Variants in PITPNC1 observed in about 807,000 individuals in gnomAD.
The protein encoded by PITPNC1 is phosphatidylinositol transfer protein cytoplasmic 1.
PITPNC1 carries 18 observed loss-of-function variants against 44.7 expected under a neutral mutation model. The observed-to-expected ratio is 0.40, with a 90% CI of 0.28 to 0.60. The LOEUF is 0.60. Among genes scored for constraint, PITPNC1 ranks in the 20% least tolerant of loss-of-function variants. The probability of loss-of-function intolerance (pLI) is 0.39; values close to 1 mark genes in which losing one functional copy is unlikely to be tolerated. For missense variants in PITPNC1, 290 were observed against 418.4 expected, an observed-to-expected ratio of 0.69 and a Z score of 2.68; for synonymous variants, 141 against 149.6, an observed-to-expected ratio of 0.94 and a Z score of 0.42.
intron 1 of PITPNC1, among the ~76,000 whole-genome samples, chr17:67,397,142 G>A (rs1054506540): frequency 2.0e-5 from 3 of 151,872 alleles, no homozygotes; most frequent in Non-Finnish European, 2.9e-5. Flanking sequence ...CACCACGCCC[G>A]GCTAATTTTT....
At position 67,508,951 on chromosome 17, in the gene PITPNC1, A is replaced by G. The variant is rs13380807; in HGVS notation, c.49-23851A>G. 0.031 allele frequency among the ~76,000 whole-genome samples: 4,748 copies of G among 152,296 alleles called. 138 individuals carry two copies. Among genetic ancestry groups the G allele is most frequent in the African/African-American group, 0.078 (3,258 of 41,556 alleles). On this transcript the variant is annotated intron_variant, in intron 1 of 8. Coordinates refer to ENST00000581322, the MANE Select transcript of PITPNC1 (RefSeq NM_012417.4). The surrounding 1 kb of genome is among the most constrained non-coding windows in gnomAD (Gnocchi z 4.2). ...TTTACCATAATTTAAAAATAAAAAC[A>G]GGCCGGGCTTGGTGGCTCACGTCTG...
At chr17:67,481,517 T>C (rs529633502) in intron 1 of PITPNC1, among the ~76,000 whole-genome samples, 2 of 152,332 alleles carry the variant, frequency 1.3e-5, no homozygotes, top group South Asian at 4.1e-4. Flanking sequence ...TTTCAAATTT[T>C]TTTTAGATAT....
At chr17:67,565,121 A>C (rs963936251) in intron 4 of PITPNC1, among the ~76,000 whole-genome samples, 10 of 151,552 alleles carry the variant, frequency 6.6e-5, no homozygotes, top group African/African-American at 2.4e-4. Flanking sequence ...TGTGTATACT[A>C]GTTTTTCCAT....
At chr17:67,669,905 C>T (rs937114378) in intron 7 of PITPNC1, among the ~76,000 whole-genome samples, 2 of 151,912 alleles carry the variant, frequency 1.3e-5, no homozygotes, top group African/African-American at 4.8e-5. Context: ...AACCCTGTCT[C>T]TACTAAAAAT....
At chr17:67,671,711 G>A (rs985195104) in intron 7 of PITPNC1, among the ~76,000 whole-genome samples, 3 of 152,096 alleles carry the variant, frequency 2.0e-5, no homozygotes, top group Non-Finnish European at 2.9e-5. Flanking sequence ...AGAATGAAAT[G>A]TGATACGTAG....
At chr17:67,517,438 T>C (rs1039224389) in intron 1 of PITPNC1, among the ~76,000 whole-genome samples, 2 of 152,174 alleles carry the variant, frequency 1.3e-5, no homozygotes, top group Non-Finnish European at 2.9e-5. Flanking sequence ...AATGAAAACA[T>C]ACGTCCTCAA....
chr17:67,433,628 T>C (rs1291336533), intron 1 of PITPNC1, among the ~76,000 whole-genome samples: 2 of 152,254 alleles, frequency 1.3e-5, no homozygotes, highest in East Asian at 3.9e-4. Flanking sequence ...GAAGGATCGC[T>C]TGAGCATAGG....
intron 1 of PITPNC1, among the ~76,000 whole-genome samples, chr17:67,448,626 A>G (rs965054231): frequency 6.6e-6 from 1 of 152,168 alleles, no homozygotes; most frequent in African/African-American, 2.4e-5. Flanking sequence ...CCACTGGACC[A>G]TTCTCTTCTG....
intron 4 of PITPNC1, among the ~76,000 whole-genome samples, chr17:67,575,874 C>CCTTTTTTTTTTTTTTTT (rs777390217): frequency 5.4e-5 from 1 of 18,534 alleles, no homozygotes; most frequent in African/African-American, 1.5e-4. Context: ...TTCTTTCTTT[C>CCTTTTTTTTTTTTTTTT]TTTCCTTTTT....
At chr17:67,691,495 C>G (rs1474097780) in intron 8 of PITPNC1, among the ~76,000 whole-genome samples, 1 of 152,130 alleles carries the variant, frequency 6.6e-6, no homozygotes. Context: ...CTTTCATTCT[C>G]TATTCTTTTT....
intron 8 of PITPNC1, among the ~76,000 whole-genome samples, chr17:67,688,973 C>T (rs1040255576): frequency 6.6e-6 from 1 of 152,214 alleles, no homozygotes; most frequent in Non-Finnish European, 1.5e-5. Flanking sequence ...GATGCCAAGG[C>T]GGGCGTATCA....
At chr17:67,475,346 G>A (rs2039611186) in intron 1 of PITPNC1, among the ~76,000 whole-genome samples, 1 of 152,130 alleles carries the variant, frequency 6.6e-6, no homozygotes, top group Admixed American at 6.6e-5. Flanking sequence ...CCAACGTGAC[G>A]CCTACCGAGC....
At chr17:67,449,133 T>C (rs2039141501) in intron 1 of PITPNC1, among the ~76,000 whole-genome samples, 1 of 152,228 alleles carries the variant, frequency 6.6e-6, no homozygotes, top group South Asian at 2.1e-4. Flanking sequence ...TTTATTTTCT[T>C]ATTCTTTTTC....
At position 67,377,798 on chromosome 17, in the gene PITPNC1, C is replaced by T. The variant is rs775443737; in HGVS notation, c.-357C>T. 4 of 267,308 alleles carry T rather than the reference C, an allele frequency of 1.5e-5. No homozygotes were observed. Among genetic ancestry groups the T allele is most frequent in the Non-Finnish European group, 2.1e-5 (3 of 142,304 alleles). The allele number at this position is 267,308 out of a possible 1,614,324, so 16.6% of individuals were successfully genotyped here. A position where few individuals can be genotyped will look rare whatever the true frequency, so the allele number is the denominator to read the frequency against. On this transcript the variant is annotated 5_prime_UTR_variant, in exon 1 of 9. Coordinates refer to ENST00000581322, the MANE Select transcript of PITPNC1 (RefSeq NM_012417.4). ...TGGAAATCTCTCTTTTTTCCTCCCT[C>T]GCTCGCTGCCGGGCATGTCCTGATC...
At chr17:67,600,274 C>T (rs1029607681) in intron 5 of PITPNC1, among the ~76,000 whole-genome samples, 3 of 151,882 alleles carry the variant, frequency 2.0e-5, no homozygotes, top group Admixed American at 6.6e-5. Context: ...GCAACAGTGA[C>T]AATAACAACA....
rs927644889 is a variant in PITPNC1 at position 67,447,022 on chromosome 17, G to A, written c.48+68820G>A. Reference sequence around the variant, plus strand: ...GGAGAATCGCTTGAACCCAGGAGGTGGAGGTTGCAGTAAGCCAAGATTGTG... The same window carrying A: ...GGAGAATCGCTTGAACCCAGGAGGTAGAGGTTGCAGTAAGCCAAGATTGTG... On this transcript the variant is annotated intron_variant, in intron 1 of 8. Coordinates refer to ENST00000581322, the MANE Select transcript of PITPNC1 (RefSeq NM_012417.4). 4.1e-5 allele frequency among the ~76,000 whole-genome samples: 6 copies of A among 146,244 alleles called. No homozygotes were observed. In the Admixed American group the frequency reaches 4.3e-4, roughly 10 times the overall value.
intron 2 of PITPNC1, among the ~76,000 whole-genome samples, chr17:67,543,238 G>A (rs2144147544): frequency 6.6e-6 from 1 of 152,270 alleles, no homozygotes; most frequent in South Asian, 2.1e-4. Context: ...TACCTCTGCT[G>A]CCTGCAGCCA....
intron 1 of PITPNC1, among the ~76,000 whole-genome samples, chr17:67,444,792 G>C (rs914194430): frequency 6.6e-6 from 1 of 152,016 alleles, no homozygotes; most frequent in African/African-American, 2.4e-5. Context: ...AGCTACTCGG[G>C]AGGCTGAGGC....
At chr17:67,473,460 C>T (rs1479926617) in intron 1 of PITPNC1, among the ~76,000 whole-genome samples, 4 of 151,630 alleles carry the variant, frequency 2.6e-5, no homozygotes, top group African/African-American at 7.3e-5. Context: ...TCCCGAGTAG[C>T]TGGGACTACA....
Sources: allele counts gnomAD v4.1 joint callset (sites outside exome capture counted in the v4.1 genomes callset), GRCh38; gene constraint gnomAD v4.1.1; non-coding constraint Gnocchi (gnomAD v3.1); transcripts MANE v1.5; gene names NCBI Gene and HGNC (gene_info 2026-07-23, HGNC 2026-07-21).